Variants in ADGRB3 observed in about 807,000 individuals in gnomAD.
The protein encoded by ADGRB3 is adhesion G protein-coupled receptor B3, also known as brain-specific angiogenesis inhibitor 3.
ADGRB3 carries 37 observed loss-of-function variants against 193.4 expected under a neutral mutation model. The observed-to-expected ratio is 0.19, with a 90% confidence interval of 0.15 to 0.25. ADGRB3 has a LOEUF of 0.25. ADGRB3 is among the 10% of genes least tolerant of loss of function. The pLI, the probability that ADGRB3 is intolerant of heterozygous loss-of-function variation, is 1.00. For synonymous variants in ADGRB3, 690 were observed against 644.2 expected (o/e 1.07, Z -1.08); for missense variants, 1,637 against 1,852.9 (o/e 0.88, Z 2.14).
At chr6:68,953,928 T>C (rs944029782) in intron 6 of ADGRB3, among the ~76,000 whole-genome samples, 8 of 152,232 alleles carry the variant, frequency 5.3e-5, no homozygotes, top group Admixed American at 5.2e-4. Flanking sequence ...TCAAATTGAC[T>C]AAGAACAATG....
At chr6:69,105,387 G>T (rs977305529) in intron 17 of ADGRB3, among the ~76,000 whole-genome samples, 2 of 152,112 alleles carry the variant, frequency 1.3e-5, no homozygotes, top group African/African-American at 4.8e-5. Flanking sequence ...CTCCTCCTGG[G>T]CATGGAAATT....
chr6:68,676,389 CAA>C (rs70987431), intron 3 of ADGRB3, among the ~76,000 whole-genome samples: 188 of 84,620 alleles, frequency 2.2e-3, no homozygotes, highest in African/African-American at 5.8e-3. Context: ...GACTCTGTCT[CAA>C]AAAAAAAAAA....
At chr6:68,806,776 A>G (rs1024605169) in intron 3 of ADGRB3, among the ~76,000 whole-genome samples, 1 of 152,018 alleles carries the variant, frequency 6.6e-6, no homozygotes, top group Non-Finnish European at 1.5e-5. Flanking sequence ...GCATGGTATT[A>G]CCTTTTTGGA....
rs1034680786 is a variant in ADGRB3, at chr6:69,210,149, C to T, written c.2481-23141C>T. On this transcript the variant is annotated intron_variant, in intron 17 of 31. Coordinates refer to ENST00000370598, the MANE Select transcript of ADGRB3 (RefSeq NM_001704.3). ...ATATATATCATATATTAATATATAT[C>T]ATATATATATATATATATATAAAGG... 9.0e-4 allele frequency among the ~76,000 whole-genome samples: 71 copies of T among 78,870 alleles called. 1 individual carries two copies. The highest frequency in any genetic ancestry group is 1.3e-3 in the South Asian group (4 of 3,014). The allele number at this position is 78,870 out of a possible 152,430, so 51.7% of individuals were successfully genotyped here.
chr6:69,103,209 G>A (rs1482474194), intron 17 of ADGRB3, among the ~76,000 whole-genome samples: 2 of 152,180 alleles, frequency 1.3e-5, no homozygotes, highest in Non-Finnish European at 2.9e-5. Context: ...GAACTTTAGA[G>A]AGAGTCCAAA....
chr6:68,804,278 T>A (rs758156056), intron 3 of ADGRB3, among the ~76,000 whole-genome samples: 3 of 152,226 alleles, frequency 2.0e-5, no homozygotes, highest in Non-Finnish European at 4.4e-5. Flanking sequence ...TTTTTTACAC[T>A]TTTCATCTTG....
At chr6:68,661,341 A>ATGTG (rs71745062) in intron 3 of ADGRB3, among the ~76,000 whole-genome samples, 5 of 57,054 alleles carry the variant, frequency 8.8e-5, no homozygotes, top group Admixed American at 4.1e-4. Context: ...ATATATATAT[A>ATGTG]TGTGTGTGTG....
At chr6:68,998,350 C>T (rs1769457099) in intron 11 of ADGRB3, among the ~76,000 whole-genome samples, 1 of 152,042 alleles carries the variant, frequency 6.6e-6, no homozygotes, top group African/African-American at 2.4e-5. Context: ...TTTTCTTAAA[C>T]CAAAAAAGTG....
intron 3 of ADGRB3, among the ~76,000 whole-genome samples, chr6:68,926,483 G>C (rs1767184384): frequency 6.6e-6 from 1 of 152,118 alleles, no homozygotes; most frequent in South Asian, 2.1e-4. Flanking sequence ...AAACGGTGCA[G>C]TGGTTTTACG....
intron 3 of ADGRB3, among the ~76,000 whole-genome samples, chr6:68,884,215 A>G (rs545723346): frequency 6.6e-6 from 1 of 152,270 alleles, no homozygotes; most frequent in South Asian, 2.1e-4. Flanking sequence ...TAGGTACTTT[A>G]TGAGCACTTC....
At chr6:68,882,765 T>C (rs148713650) in intron 3 of ADGRB3, among the ~76,000 whole-genome samples, 155 of 152,322 alleles carry the variant, frequency 1.0e-3, no homozygotes, top group African/African-American at 3.6e-3. Context: ...AAACAGTTTA[T>C]ACAACACCTA....
intron 11 of ADGRB3, among the ~76,000 whole-genome samples, chr6:69,005,215 G>A (rs2150281077): frequency 1.3e-5 from 2 of 151,416 alleles, no homozygotes; most frequent in South Asian, 2.1e-4. Flanking sequence ...GGGACTGTAG[G>A]CAATACTGAG....
intron 20 of ADGRB3, among the ~76,000 whole-genome samples, chr6:69,281,050 C>A (rs975679232): frequency 9.2e-5 from 14 of 152,164 alleles, no homozygotes; most frequent in African/African-American, 3.4e-4. Flanking sequence ...AAGGACAATA[C>A]TACCTGGAGA....
At position 69,232,324 on chromosome 6, in the gene ADGRB3, G is replaced by A. The variant is rs1225517710; in HGVS notation, c.2481-966G>A. 5 of 1,062,058 alleles carry A rather than the reference G, an allele frequency of 4.7e-6. No individual in the cohort carries two copies. The East Asian group carries it at 1.2e-4, about 25-fold the overall frequency. 65.8% of individuals were successfully genotyped at this position (1,062,058 alleles called of 1,614,324 possible). A position where few individuals can be genotyped will look rare whatever the true frequency, so the allele number is the denominator to read the frequency against. ...TAGTGTAGTTCTGCTGGGGGTGGAA[G>A]GGTTCTCCCCCATCCCCCCCACCAC... On this transcript the variant is annotated intron_variant, in intron 17 of 31. Transcript: ENST00000370598.
chr6:68,877,449 TAAG>T (rs1765625231), intron 3 of ADGRB3, among the ~76,000 whole-genome samples: 1 of 152,104 alleles, frequency 6.6e-6, no homozygotes, highest in South Asian at 2.1e-4. Flanking sequence ...TTTGTAACAT[TAAG>T]AAGTATTTTC....
rs869146684 is a variant in ADGRB3, at chr6:69,040,675, C to CAAAAAAAAAAAAAAAA, written c.2108-7491_2108-7476dup. On this transcript the variant is annotated intron_variant, in intron 13 of 31. Coordinates refer to ENST00000370598, the MANE Select transcript of ADGRB3 (RefSeq NM_001704.3). ...CCCAGGCTTTGAAATGACTGATGGA[C>CAAAAAAAAAAAAAAAA]AAAAAAAAAAAAAAAAAAAAAAAAA... 2.6e-4 allele frequency among the ~76,000 whole-genome samples: 5 copies of CAAAAAAAAAAAAAAAA among 19,524 alleles called. 2 individuals are homozygous for CAAAAAAAAAAAAAAAA. Among genetic ancestry groups the CAAAAAAAAAAAAAAAA allele is most frequent in the Admixed American group, 2.0e-3 (2 of 988 alleles). The allele number at this position is 19,524 out of a possible 152,430, so 12.8% of individuals were successfully genotyped here.
chr6:69,043,330 A>AAGAAAG (rs1582417293), intron 13 of ADGRB3, among the ~76,000 whole-genome samples: 1 of 147,144 alleles, frequency 6.8e-6, no homozygotes, highest in Non-Finnish European at 1.5e-5. Context: ...GAAAGAAAGA[A>AAGAAAG]AGAGAAAGAA....
chr6:68,856,760 A>G (rs1326197478), intron 3 of ADGRB3, among the ~76,000 whole-genome samples: 1 of 152,220 alleles, frequency 6.6e-6, no homozygotes, highest in Non-Finnish European at 1.5e-5. Context: ...AGCATAAGTA[A>G]TGAGGAGCTG....
In ADGRB3 at chr6:69,372,474, T is replaced by C. The variant is rs547763291; in HGVS notation, c.4275+33T>C. ...TATATGAATTATTTTAGAATTGTAA[T>C]TACTTGAATTCAAAATAGATATATA... On this transcript the variant is annotated intron_variant, in intron 30 of 31. Transcript: ENST00000370598. 5 of 1,184,488 alleles carry C rather than the reference T, an allele frequency of 4.2e-6. No individual in the cohort carries two copies. In the African/African-American group the frequency reaches 7.9e-5, roughly 19 times the overall value. 73.4% of individuals were successfully genotyped at this position (1,184,488 alleles called of 1,614,324 possible).
Sources: gnomAD v4.1 joint callset for allele counts (sites outside exome capture counted in the v4.1 genomes callset) on GRCh38, gnomAD v4.1.1 for gene constraint, MANE v1.5 for transcripts, NCBI Gene and HGNC (gene_info 2026-07-23, HGNC 2026-07-21) for gene names.